NEDD9: variants seen among roughly 807,000 people sequenced by gnomAD.
NEDD9 encodes neural precursor cell expressed, developmentally down-regulated 9, also known as enhancer of filamentation 1.
In NEDD9, 26 loss-of-function variants were observed where a neutral mutation model predicts 76.6. The observed-to-expected ratio is 0.34, with a 90% CI of 0.25 to 0.47. The LOEUF (loss-of-function observed/expected upper bound fraction) is 0.47. Among genes scored for constraint, NEDD9 ranks in the 20% least tolerant of loss-of-function variants. The probability of loss-of-function intolerance (pLI) is 1.00; values close to 1 mark genes in which losing one functional copy is unlikely to be tolerated. For synonymous variants in NEDD9, 392 were observed against 414.2 expected (o/e 0.95, Z 0.65); for missense variants, 937 against 1,058.5 (o/e 0.89, Z 1.59).
Position 11,213,173 on chromosome 6 carries a change from A to T in NEDD9, c.459+108T>A. ...CTGAGCTAAGGTATTGGTTATATCT[A>T]CTTCTTGGCAGCTTCAAGTTATTAA... is the stretch of plus-strand genomic sequence containing the variant. On this transcript the variant is annotated intron_variant, in intron 2 of 6. Coordinates refer to ENST00000379446, the MANE Select transcript of NEDD9 (RefSeq NM_006403.4). The surrounding 1 kb of genome is among the most constrained non-coding windows in gnomAD (Gnocchi z 5.4). 9.7e-7 allele frequency: 1 copy of T among 1,026,514 alleles called. No homozygotes were observed. Among genetic ancestry groups the T allele is most frequent in the African/African-American group, 1.6e-5 (1 of 61,880 alleles). The allele number at this position is 1,026,514 out of a possible 1,614,324, so 63.6% of individuals were successfully genotyped here.
At chr6:11,253,041 G>A (rs556180609) in intron 3 of NEDD9, among the ~76,000 whole-genome samples, 4 of 152,246 alleles carry the variant, frequency 2.6e-5, no homozygotes, top group South Asian at 2.1e-4. Flanking sequence ...GTTTAAATAT[G>A]TCTTAATGAT....
chr6:11,351,032 A>G (rs768265886), intron 1 of NEDD9, among the ~76,000 whole-genome samples: 13 of 152,220 alleles, frequency 8.5e-5, no homozygotes, highest in Non-Finnish European at 1.8e-4. Context: ...CAGCATTTCT[A>G]TCACCTCACA....
At chr6:11,340,923 C>A (rs531808792) in intron 1 of NEDD9, among the ~76,000 whole-genome samples, 4 of 152,270 alleles carry the variant, frequency 2.6e-5, no homozygotes, top group African/African-American at 9.6e-5. Context: ...CACCACCATG[C>A]CTCTCTGACC....
At chr6:11,220,066 T>G (rs1390682019) in intron 1 of NEDD9, among the ~76,000 whole-genome samples, 2 of 152,194 alleles carry the variant, frequency 1.3e-5, no homozygotes, top group Admixed American at 1.3e-4. Flanking sequence ...CAGTACTATT[T>G]GTCGACTGTG....
Position 11,203,991 on chromosome 6 carries a change from CTT to C in NEDD9, c.459+9288_459+9289del, listed in dbSNP as rs1002792439. ...TCTTTTCTTTAAAAAAAAAAAAACTCTTGATGTCAGGCCGTTTTTATTAAACT... is the reference window on the plus strand; with the variant it reads ...TCTTTTCTTTAAAAAAAAAAAAACTCGATGTCAGGCCGTTTTTATTAAACT... On this transcript the variant is annotated intron_variant, in intron 2 of 6. Transcript: ENST00000379446. Among the ~76,000 whole-genome samples, 651 of 150,348 alleles carry C rather than the reference CTT, an allele frequency of 4.3e-3. 4 individuals carry two copies. The highest frequency in any genetic ancestry group is 0.015 in the African/African-American group (618 of 40,932).
At chr6:11,260,547 A>C (rs761104655) in intron 3 of NEDD9, among the ~76,000 whole-genome samples, 11 of 152,250 alleles carry the variant, frequency 7.2e-5, no homozygotes, top group South Asian at 2.1e-4. Context: ...GAAATGATGA[A>C]GATCACAAAG....
intron 1 of NEDD9, among the ~76,000 whole-genome samples, chr6:11,334,974 T>C (rs1157814226): frequency 1.3e-5 from 2 of 152,114 alleles, no homozygotes; most frequent in Non-Finnish European, 2.9e-5. Flanking sequence ...CAATGACCAA[T>C]TGAGAGCAAT....
At chr6:11,376,401 T>A (rs1040769325) in intron 1 of NEDD9, among the ~76,000 whole-genome samples, 1 of 152,158 alleles carries the variant, frequency 6.6e-6, no homozygotes, top group Non-Finnish European at 1.5e-5. Context: ...GACAGTGAAG[T>A]TCTGGCTGAT....
At chr6:11,294,212 C>T (rs1760841881) in intron 3 of NEDD9, among the ~76,000 whole-genome samples, 1 of 152,162 alleles carries the variant, frequency 6.6e-6, no homozygotes, top group South Asian at 2.1e-4. Flanking sequence ...GTTACTGCTA[C>T]ATATGATAAT....
chr6:11,237,281 T>C (rs1759623883), upstream of NEDD9, among the ~76,000 whole-genome samples: 1 of 152,222 alleles, frequency 6.6e-6, no homozygotes, highest in South Asian at 2.1e-4. This position sits in a 1 kb window ranked among gnomAD's most constrained non-coding sequence, Gnocchi z 4.9. Flanking sequence ...ATCTTGTTCA[T>C]CTGTGTCCCC....
At chr6:11,201,294 A>G (rs3798736) in intron 2 of NEDD9, among the ~76,000 whole-genome samples, 41,221 of 152,030 alleles carry the variant, frequency 0.27, 6,706 homozygotes, top group African/African-American at 0.45. Flanking sequence ...AAGGGAGCAG[A>G]CGGCTGCCAC....
intron 3 of NEDD9, among the ~76,000 whole-genome samples, chr6:11,303,820 A>G (rs916425209): frequency 4.6e-5 from 7 of 152,184 alleles, no homozygotes; most frequent in African/African-American, 1.7e-4. Context: ...AGAAGCATTA[A>G]ATACTTAAAT....
chr6:11,192,563 TG>T (rs1758176094), intron 3 of NEDD9, 117 bp from the exon 4 acceptor site: 2 of 674,360 alleles, frequency 3.0e-6, no homozygotes, highest in Admixed American at 3.6e-5. Context: ...GCTTGATCTT[TG>T]GCAGTGCTCC....
chr6:11,336,913 C>A (rs1003938786), intron 1 of NEDD9, among the ~76,000 whole-genome samples: 1 of 152,126 alleles, frequency 6.6e-6, no homozygotes, highest in Non-Finnish European at 1.5e-5. Context: ...CATACAGGGA[C>A]CTGCCATCTC....
intron 3 of NEDD9, among the ~76,000 whole-genome samples, chr6:11,260,157 AGGCCTAGCATCATT>A (rs1357095861): frequency 1.3e-5 from 2 of 152,248 alleles, no homozygotes; most frequent in East Asian, 3.8e-4. Flanking sequence ...ATATTCTTCC[AGGCCTAGCATCATT>A]GGCCATATAT....
At chr6:11,318,500 T>C (rs1310880813) in intron 2 of NEDD9, among the ~76,000 whole-genome samples, 1 of 152,136 alleles carries the variant, frequency 6.6e-6, no homozygotes, top group Admixed American at 6.5e-5. Context: ...TGTTACATAA[T>C]TAGAATTCAC....
At chr6:11,289,536 C>T (rs1185795687) in intron 3 of NEDD9, among the ~76,000 whole-genome samples, 1 of 151,550 alleles carries the variant, frequency 6.6e-6, no homozygotes, top group Non-Finnish European at 1.5e-5. Flanking sequence ...CACCTCAACC[C>T]CCACCTCCCG....
At chr6:11,257,775 C>CTGTGTGTG (rs3067253) in intron 3 of NEDD9, among the ~76,000 whole-genome samples, 7,618 of 142,982 alleles carry the variant, frequency 0.053, 339 homozygotes, top group African/African-American at 0.11. Flanking sequence ...AATGTAGATT[C>CTGTGTGTG]TGTGTGTGTG....
At chr6:11,322,764 G>T (rs1582029060) in intron 2 of NEDD9, among the ~76,000 whole-genome samples, 2 of 152,152 alleles carry the variant, frequency 1.3e-5, no homozygotes, top group East Asian at 3.8e-4. Context: ...GATTCTTGGG[G>T]CCTGCTCTAA....
Sources: allele counts gnomAD v4.1 joint callset (sites outside exome capture counted in the v4.1 genomes callset), GRCh38; gene constraint gnomAD v4.1.1; non-coding constraint Gnocchi (gnomAD v3.1); transcripts MANE v1.5; gene names NCBI Gene and HGNC (gene_info 2026-07-23, HGNC 2026-07-21).